The following LRRTM3 variants were observed in gnomAD, a reference collection of about 807,000 sequenced individuals.
The protein encoded by LRRTM3 is leucine-rich repeat transmembrane neuronal protein 3.
A neutral mutation model predicts 44.7 loss-of-function variants in LRRTM3; 24 were observed. The ratio of observed to expected loss-of-function variants is 0.54; its 90% CI spans 0.39 to 0.76. LRRTM3 has a LOEUF of 0.76. Ranked by LOEUF, LRRTM3 falls within the 30% of genes least tolerant of loss-of-function variation. LRRTM3 has a pLI of 0.00. For synonymous variants in LRRTM3, 277 were observed against 278.7 expected (o/e 0.99, Z 0.06); for missense variants, 587 against 702.2 (o/e 0.84, Z 1.85).
At chr10:66,975,200 T>G (rs1849963106) in intron 2 of LRRTM3, among the ~76,000 whole-genome samples, 1 of 152,200 alleles carries the variant, frequency 6.6e-6, no homozygotes, top group Non-Finnish European at 1.5e-5. Context: ...GCTCAATAAC[T>G]GATTTATTTG....
chr10:66,953,781 T>A (rs754575242), intron 2 of LRRTM3, among the ~76,000 whole-genome samples: 5 of 152,188 alleles, frequency 3.3e-5, no homozygotes, highest in Admixed American at 6.6e-5. Context: ...TGATATAAGT[T>A]TTATTTTTTT....
chr10:67,044,200 G>GAAAAA (rs1258142471), intron 2 of LRRTM3, among the ~76,000 whole-genome samples: 3 of 151,902 alleles, frequency 2.0e-5, no homozygotes, highest in Non-Finnish European at 4.4e-5. Context: ...TAATATTAAA[G>GAAAAA]AAAAAATATG....
At chr10:66,967,100 G>A (rs1849464389) in intron 2 of LRRTM3, among the ~76,000 whole-genome samples, 2 of 151,980 alleles carry the variant, frequency 1.3e-5, no homozygotes, top group Admixed American at 1.3e-4. Context: ...ACTCCATTAG[G>A]AACGTTGATG....
chr10:66,973,937 C>T (rs1204577155), intron 2 of LRRTM3, among the ~76,000 whole-genome samples: 1 of 152,080 alleles, frequency 6.6e-6, no homozygotes, highest in African/African-American at 2.4e-5. Context: ...TATTTTTAAT[C>T]AACTTTATTG....
At chr10:66,944,560 G>A (rs1239334522) in intron 2 of LRRTM3, among the ~76,000 whole-genome samples, 1 of 152,010 alleles carries the variant, frequency 6.6e-6, no homozygotes, top group Non-Finnish European at 1.5e-5. Context: ...CATTTAGAAT[G>A]GTGACTCTTA....
intron 2 of LRRTM3, among the ~76,000 whole-genome samples, chr10:67,033,781 G>GT (rs1002548895): frequency 4.3e-4 from 65 of 151,674 alleles, no homozygotes; most frequent in African/African-American, 7.7e-4. Flanking sequence ...GTTTCTTTTT[G>GT]TTTTTTTTGG....
chr10:67,073,136 A>G (rs889522637), intron 2 of LRRTM3, among the ~76,000 whole-genome samples: 34 of 152,214 alleles, frequency 2.2e-4, no homozygotes, highest in African/African-American at 7.7e-4. Context: ...CCCTTCTGAA[A>G]TTTTAGTTCT....
At chr10:67,024,374 A>G (rs1853221194) in intron 2 of LRRTM3, among the ~76,000 whole-genome samples, 1 of 152,188 alleles carries the variant, frequency 6.6e-6, no homozygotes, top group Non-Finnish European at 1.5e-5. Context: ...CAGGTACATC[A>G]GTGAGCCCAC....
At chr10:66,957,853 C>G (rs1377874765) in intron 2 of LRRTM3, among the ~76,000 whole-genome samples, 1 of 151,910 alleles carries the variant, frequency 6.6e-6, no homozygotes, top group African/African-American at 2.4e-5. Flanking sequence ...CTGAAGGGAG[C>G]CAGAGAAATT....
chr10:66,965,349 A>T (rs1057181570), intron 2 of LRRTM3, among the ~76,000 whole-genome samples: 14 of 152,072 alleles, frequency 9.2e-5, no homozygotes, highest in African/African-American at 3.4e-4. Flanking sequence ...ATCTTGGCCA[A>T]CATGGTGAAA....
At chr10:66,982,902 C>T (rs967456362) in intron 2 of LRRTM3, among the ~76,000 whole-genome samples, 1 of 152,042 alleles carries the variant, frequency 6.6e-6, no homozygotes, top group African/African-American at 2.4e-5. Context: ...CATAAGACCC[C>T]AGGGACACAA....
chr10:67,079,464 A>G (rs1229060755), intron 2 of LRRTM3, among the ~76,000 whole-genome samples: 1 of 152,214 alleles, frequency 6.6e-6, no homozygotes, highest in Non-Finnish European at 1.5e-5. Flanking sequence ...ATAAATTCGC[A>G]AATATCTCCC....
chr10:67,091,568 A>G (rs972721198), intron 2 of LRRTM3, among the ~76,000 whole-genome samples: 1 of 152,064 alleles, frequency 6.6e-6, no homozygotes, highest in Non-Finnish European at 1.5e-5. Flanking sequence ...AAATATAGCT[A>G]ATTTCCTCCA....
In LRRTM3 at chr10:67,101,387, T is replaced by G. The variant is rs895148563; in HGVS notation, c.*3591T>G. Among the ~76,000 whole-genome samples the G allele has an allele frequency of 2.0e-5, 3 of 151,762 alleles. No homozygotes were observed. Among genetic ancestry groups the G allele is most frequent in the Non-Finnish European group, 2.9e-5 (2 of 67,814 alleles). On this transcript the variant is annotated 3_prime_UTR_variant, in exon 3 of 3. Transcript: ENST00000361320. ...TAAAATTCTTTTTCTTTTTTTCTTT[T>G]GGCAAGATTTCTTCTTAAACCATGA... is the stretch of plus-strand genomic sequence containing the variant.
chr10:66,946,194 C>T (rs1353119856), intron 2 of LRRTM3, among the ~76,000 whole-genome samples: 4 of 152,048 alleles, frequency 2.6e-5, no homozygotes, highest in African/African-American at 9.7e-5. Flanking sequence ...GGTGTGCCTG[C>T]ACTCTGTTGG....
chr10:67,015,679 A>G (rs1226976398), intron 2 of LRRTM3, among the ~76,000 whole-genome samples: 1 of 152,162 alleles, frequency 6.6e-6, no homozygotes, highest in Non-Finnish European at 1.5e-5. Context: ...ATGAACTTCA[A>G]TTTGAAGATT....
At chr10:66,971,911 A>T (rs1173215155) in intron 2 of LRRTM3, among the ~76,000 whole-genome samples, 1 of 151,548 alleles carries the variant, frequency 6.6e-6, no homozygotes, top group Non-Finnish European at 1.5e-5. Flanking sequence ...TTTTTTTTTT[A>T]AACATGCTAA....
At chr10:67,056,957 T>G (rs1855470720) in intron 2 of LRRTM3, among the ~76,000 whole-genome samples, 1 of 152,184 alleles carries the variant, frequency 6.6e-6, no homozygotes, top group South Asian at 2.1e-4. Context: ...GGGAACTGAC[T>G]GAGACTGATT....
At position 66,927,433 on chromosome 10, in the gene LRRTM3, C is replaced by A. The variant is rs1314160937; in HGVS notation, c.517C>A (p.Pro173Thr). The A allele has an allele frequency of 1.2e-6, 2 of 1,614,116 alleles. No individual in the cohort carries two copies. Among genetic ancestry groups the A allele is most frequent in the Non-Finnish European group, 1.7e-6 (2 of 1,180,032 alleles). Residue 173 changes from proline (P) to threonine (T), a missense_variant, in exon 2 of 3, where the codon CCT (proline) becomes ACT (threonine). Pro to Thr is a conservative substitution (Grantham distance 38). Transcript: ENST00000361320. This position sits in a 1 kb window ranked among gnomAD's most constrained non-coding sequence, Gnocchi z 4.7. ...HLRSNSLRTI[P>T]VRIFQDCRNL... Reference sequence around the variant, plus strand: ...ACGGTCTAACTCCCTGAGAACCATCCCTGTGCGAATATTCCAAGACTGCCG... The same window carrying A: ...ACGGTCTAACTCCCTGAGAACCATCACTGTGCGAATATTCCAAGACTGCCG...
Sources: allele counts gnomAD v4.1 joint callset (sites outside exome capture counted in the v4.1 genomes callset), GRCh38; gene constraint gnomAD v4.1.1; non-coding constraint Gnocchi (gnomAD v3.1); transcripts MANE v1.5; gene names NCBI Gene and HGNC (gene_info 2026-07-23, HGNC 2026-07-21).